CCSER1: variants seen among roughly 807,000 people sequenced by gnomAD.
CCSER1 encodes the protein coiled-coil serine rich protein 1, also known as serine-rich coiled-coil domain-containing protein 1.
A neutral mutation model predicts 82.0 loss-of-function variants in CCSER1; 41 were observed. The observed-to-expected ratio is 0.50, with a 90% confidence interval of 0.39 to 0.65. The LOEUF (loss-of-function observed/expected upper bound fraction) is 0.65, where lower values mean the gene tolerates loss of function less well. Ranked by LOEUF, CCSER1 falls within the 30% of genes least tolerant of loss-of-function variation. The pLI is 0.00. For missense variants in CCSER1, 1,119 were observed against 1,064.2 expected (o/e 1.05, Z -0.72); for synonymous variants, 414 against 383.9 (o/e 1.08, Z -0.92).
intron 4 of CCSER1, among the ~76,000 whole-genome samples, chr4:90,424,992 T>G (rs1339934383): frequency 6.6e-6 from 1 of 152,226 alleles, no homozygotes; most frequent in East Asian, 1.9e-4. Flanking sequence ...TTATAATTTT[T>G]GTTTTAGTCT....
chr4:90,610,677 C>G (rs1203829183), intron 5 of CCSER1, among the ~76,000 whole-genome samples: 1 of 152,100 alleles, frequency 6.6e-6, no homozygotes, highest in Non-Finnish European at 1.5e-5. Flanking sequence ...CAACAATAAA[C>G]TTCATGTTAG....
chr4:90,810,125 G>T (rs1758053788), intron 7 of CCSER1, among the ~76,000 whole-genome samples: 1 of 152,002 alleles, frequency 6.6e-6, no homozygotes, highest in Non-Finnish European at 1.5e-5. Context: ...ATGAATTTGA[G>T]CATCTTCTTT....
intron 1 of CCSER1, among the ~76,000 whole-genome samples, chr4:90,165,297 TA>T (rs983177384): frequency 6.6e-6 from 1 of 152,048 alleles, no homozygotes; most frequent in Non-Finnish European, 1.5e-5. Context: ...CTCTAAAGAA[TA>T]GGAAAACAAT....
chr4:90,622,824 T>C (rs1031171688), intron 5 of CCSER1, among the ~76,000 whole-genome samples: 2 of 152,078 alleles, frequency 1.3e-5, no homozygotes. Flanking sequence ...TAGTTCTAGA[T>C]CCTTGAGGAA....
At chr4:90,276,246 CTT>C (rs1727638830) in intron 1 of CCSER1, among the ~76,000 whole-genome samples, 1 of 112,308 alleles carries the variant, frequency 8.9e-6, no homozygotes, top group Non-Finnish European at 1.8e-5. Flanking sequence ...TTCTTTCTTT[CTT>C]TCTTTCCTTC....
chr4:91,159,351 T>C (rs754728451), intron 10 of CCSER1, among the ~76,000 whole-genome samples: 10 of 151,968 alleles, frequency 6.6e-5, no homozygotes, highest in Non-Finnish European at 1.2e-4. Flanking sequence ...TATTTCATTC[T>C]GTGTTCCATA....
intron 1 of CCSER1, among the ~76,000 whole-genome samples, chr4:90,129,841 T>G (rs2153309855): frequency 6.6e-6 from 1 of 152,362 alleles, no homozygotes; most frequent in South Asian, 2.1e-4. Context: ...CTTTAAATAT[T>G]AGGTTAGAAC....
intron 1 of CCSER1, among the ~76,000 whole-genome samples, chr4:90,210,112 CA>C (rs1314027818): frequency 6.6e-6 from 1 of 152,144 alleles, no homozygotes; most frequent in African/African-American, 2.4e-5. Context: ...TGCACTCTTT[CA>C]ATGGCCCAAG....
intron 9 of CCSER1, among the ~76,000 whole-genome samples, chr4:90,930,921 T>TAC (rs1252576332): frequency 1.5e-5 from 2 of 132,154 alleles, no homozygotes; most frequent in Admixed American, 7.8e-5. Context: ...TATATATATA[T>TAC]ATATATATAT....
chr4:91,051,895 ATATCT>A (rs763673729), intron 9 of CCSER1, among the ~76,000 whole-genome samples: 2 of 152,134 alleles, frequency 1.3e-5, no homozygotes, highest in Non-Finnish European at 2.9e-5. Context: ...ACTAGCAGTA[ATATCT>A]TATCATTCAT....
intron 1 of CCSER1, among the ~76,000 whole-genome samples, chr4:90,224,679 T>C (rs572033496): frequency 6.6e-6 from 1 of 152,350 alleles, no homozygotes; most frequent in South Asian, 2.1e-4. Flanking sequence ...ATTTCTGGCT[T>C]TTCCACAGTT....
chr4:91,321,891 C>T (rs796712489), intron 10 of CCSER1, among the ~76,000 whole-genome samples: 1 of 151,858 alleles, frequency 6.6e-6, no homozygotes, highest in Non-Finnish European at 1.5e-5. Flanking sequence ...AAAAGTTTTC[C>T]TTTTACAAGT....
At chr4:91,179,697 A>T (rs1269603301) in intron 10 of CCSER1, among the ~76,000 whole-genome samples, 2 of 152,160 alleles carry the variant, frequency 1.3e-5, no homozygotes, top group African/African-American at 2.4e-5. Context: ...CTAGTTAGCC[A>T]TTCATCTAAT....
intron 1 of CCSER1, among the ~76,000 whole-genome samples, chr4:90,237,328 G>A (rs752831197): frequency 1.1e-4 from 17 of 152,062 alleles, no homozygotes; most frequent in Non-Finnish European, 2.2e-4. Context: ...TGCATTTAAT[G>A]TTTTCGTTTC....
intron 3 of CCSER1, among the ~76,000 whole-genome samples, chr4:90,327,840 C>A (rs1738505542): frequency 6.6e-6 from 1 of 152,114 alleles, no homozygotes; most frequent in African/African-American, 2.4e-5. Context: ...CAGTTGAGAA[C>A]TATCTAAAGG....
At chr4:90,407,176 G>T (rs1753856837) in intron 4 of CCSER1, among the ~76,000 whole-genome samples, 1 of 152,106 alleles carries the variant, frequency 6.6e-6, no homozygotes, top group South Asian at 2.1e-4. Flanking sequence ...AACAAAATGG[G>T]AGGCATTACA....
chr4:90,231,960 A>G (rs1464694461), intron 1 of CCSER1, among the ~76,000 whole-genome samples: 1 of 151,530 alleles, frequency 6.6e-6, no homozygotes, highest in African/African-American at 2.4e-5. Flanking sequence ...CCACTGCTCA[A>G]GGAAATAAAA....
At chr4:91,379,420 C>A (rs908733566) in intron 10 of CCSER1, among the ~76,000 whole-genome samples, 36 of 152,280 alleles carry the variant, frequency 2.4e-4, no homozygotes, top group African/African-American at 8.2e-4. Flanking sequence ...ATTATTGCCT[C>A]AATTTCAGAG....
intron 10 of CCSER1, among the ~76,000 whole-genome samples, chr4:91,557,340 C>T (rs1460238770): frequency 6.6e-6 from 1 of 150,834 alleles, no homozygotes; most frequent in Non-Finnish European, 1.5e-5. Flanking sequence ...ATAAGATAGC[C>T]CTGAAGAGTC....
Sources: allele counts gnomAD v4.1 joint callset (sites outside exome capture counted in the v4.1 genomes callset), GRCh38; gene constraint gnomAD v4.1.1; transcripts MANE v1.5; gene names NCBI Gene and HGNC (gene_info 2026-07-23, HGNC 2026-07-21).